Variants in ATP2C1 observed in about 807,000 individuals in gnomAD.
ATP2C1 encodes the protein ATPase secretory pathway Ca2+ transporting 1.
A neutral mutation model predicts 120.5 loss-of-function variants in ATP2C1; 31 were observed. That is an observed-to-expected ratio of 0.26 (90% confidence interval 0.19 to 0.35). The LOEUF (loss-of-function observed/expected upper bound fraction) is 0.35, where lower values mean the gene tolerates loss of function less well. ATP2C1 is among the 10% of genes least tolerant of loss of function. The pLI, the probability that ATP2C1 is intolerant of heterozygous loss-of-function variation, is 1.00. For missense variants in ATP2C1, 731 were observed against 1,107.5 expected (o/e 0.66, Z 4.83); for synonymous variants, 351 against 358.7 (o/e 0.98, Z 0.24).
At chr3:130,975,209 A>G (rs961379220) in intron 17 of ATP2C1, 123 bp from the exon 18 acceptor site, 1 of 970,572 alleles carries the variant, frequency 1.0e-6, no homozygotes. Flanking sequence ...GTGGCAGTCA[A>G]AACCTTAGGC....
chr3:130,943,844 C>T (rs2060025894), intron 8 of ATP2C1, among the ~76,000 whole-genome samples: 1 of 152,176 alleles, frequency 6.6e-6, no homozygotes, highest in South Asian at 2.1e-4. Context: ...TTTAAATGTA[C>T]TGACTTAGGA....
downstream of ATP2C1, among the ~76,000 whole-genome samples, chr3:131,004,874 G>A (rs2063043226): frequency 6.6e-6 from 1 of 152,198 alleles, no homozygotes; most frequent in African/African-American, 2.4e-5. Context: ...GAGATAGGCA[G>A]GAACCTAATG....
intron 1 of ATP2C1, among the ~76,000 whole-genome samples, chr3:130,869,608 G>A (rs573724828): frequency 2.6e-4 from 39 of 152,240 alleles, no homozygotes; most frequent in African/African-American, 9.1e-4. Flanking sequence ...CAAATGATAA[G>A]AAAGCTAAAC....
At chr3:130,895,874 C>G (rs529809299) in intron 2 of ATP2C1, among the ~76,000 whole-genome samples, 27 of 152,254 alleles carry the variant, frequency 1.8e-4, no homozygotes, top group Admixed American at 1.2e-3. Flanking sequence ...AAATTTTACT[C>G]TGGATGGATA....
chr3:130,942,145 A>C (rs569080434), intron 8 of ATP2C1, among the ~76,000 whole-genome samples: 1 of 152,346 alleles, frequency 6.6e-6, no homozygotes, highest in South Asian at 2.1e-4. Context: ...TGGCAGTGAT[A>C]ATTGAAGAGT....
chr3:130,880,937 G>A (rs1388387110), intron 1 of ATP2C1, among the ~76,000 whole-genome samples: 6 of 152,180 alleles, frequency 3.9e-5, no homozygotes, highest in Non-Finnish European at 8.8e-5. Flanking sequence ...GGGCCTGGAA[G>A]GACAGGGGAC....
chr3:130,940,695 T>A lies in ATP2C1; in HGVS notation c.422+4T>A, dbSNP rs374434188. ...TTGTGCCACCAGAATGCCATTGGTA[T>A]GATCCTTTTTTTGGTATGGATTTCT... On this transcript the variant is annotated splice_donor_region_variant and intron_variant, in intron 7 of 27. Coordinates refer to ENST00000510168, the MANE Select transcript of ATP2C1 (RefSeq NM_001378687.1). 6.2e-7 allele frequency: 1 copy of A among 1,608,834 alleles called. No homozygotes were observed. The highest frequency in any genetic ancestry group is 1.7e-5 in the Admixed American group (1 of 59,992).
At chr3:130,958,646 C>T (rs1399296316) in intron 11 of ATP2C1, among the ~76,000 whole-genome samples, 2 of 152,074 alleles carry the variant, frequency 1.3e-5, no homozygotes, top group African/African-American at 2.4e-5. Flanking sequence ...GCCCCTTTCC[C>T]CCTATTCTTT....
chr3:130,913,782 CCTGA>C (rs1428934639), intron 2 of ATP2C1, among the ~76,000 whole-genome samples: 6 of 152,068 alleles, frequency 3.9e-5, no homozygotes, highest in African/African-American at 1.4e-4. Context: ...TTTTGGATGA[CCTGA>C]CTAATTTAAA....
chr3:130,883,174 T>C (rs1028612012), intron 1 of ATP2C1, among the ~76,000 whole-genome samples: 15 of 152,216 alleles, frequency 9.9e-5, no homozygotes, highest in Non-Finnish European at 1.9e-4. Flanking sequence ...TGAATTTCTG[T>C]AGTATCAGTT....
intron 3 of ATP2C1, among the ~76,000 whole-genome samples, chr3:130,931,584 T>C (rs1255955014): frequency 6.6e-6 from 1 of 152,250 alleles, no homozygotes; most frequent in Non-Finnish European, 1.5e-5. Flanking sequence ...CTAATTAAAA[T>C]GTACTGTTAT....
chr3:130,886,079 T>C (rs1218573221), intron 1 of ATP2C1, among the ~76,000 whole-genome samples: 1 of 152,234 alleles, frequency 6.6e-6, no homozygotes, highest in Non-Finnish European at 1.5e-5. Flanking sequence ...TTGTTCTTCA[T>C]GCTTGAAGGA....
rs553205560 is a variant in ATP2C1 at position 130,935,622 on chromosome 3, T to C, written c.324+911T>C. On this transcript the variant is annotated intron_variant, in intron 5 of 27. Coordinates refer to ENST00000510168, the MANE Select transcript of ATP2C1 (RefSeq NM_001378687.1). ...TGTGAGGTCACAACCATTTTAATAA[T>C]ACTAAAACATTATTTGTCTTTCAAT... 7.2e-5 allele frequency among the ~76,000 whole-genome samples: 11 copies of C among 152,342 alleles called. No individual in the cohort carries two copies. The East Asian group carries it at 2.1e-3, about 29-fold the overall frequency.
upstream of ATP2C1, among the ~76,000 whole-genome samples, chr3:130,889,666 GA>G (rs1355722966): frequency 4.0e-5 from 3 of 74,732 alleles, no homozygotes; most frequent in African/African-American, 2.1e-4. Context: ...TTTTTTTTGA[GA>G]CAGTTTCTTG....
At chr3:130,955,215 A>G in intron 10 of ATP2C1, 135 bp downstream of exon 10, 1 of 703,348 alleles carries the variant, frequency 1.4e-6, no homozygotes, top group Admixed American at 2.3e-5. Flanking sequence ...GTCTCTGTTT[A>G]GAAACATAAT....
At chr3:130,900,141 A>G (rs1225679052) in intron 2 of ATP2C1, among the ~76,000 whole-genome samples, 2 of 151,946 alleles carry the variant, frequency 1.3e-5, no homozygotes, top group Non-Finnish European at 2.9e-5. Flanking sequence ...TAGCTCACCA[A>G]AGCCCCTAAC....
At chr3:130,855,613 G>T (rs1017373485) in intron 1 of ATP2C1, among the ~76,000 whole-genome samples, 3 of 152,128 alleles carry the variant, frequency 2.0e-5, no homozygotes, top group Non-Finnish European at 4.4e-5. Flanking sequence ...ATTAGAATTT[G>T]GTTCGCTTGA....
At chr3:130,996,934 T>G in intron 24 of ATP2C1, 138 bp downstream of exon 24, 1 of 722,068 alleles carries the variant, frequency 1.4e-6, no homozygotes, top group Non-Finnish European at 2.5e-6. Flanking sequence ...ATAAATTGTG[T>G]GATGTGTGTA....
intron 10 of ATP2C1, 158 bp from the exon 11 acceptor site, chr3:130,955,946 A>C (rs376929488): frequency 4.4e-5 from 27 of 609,786 alleles, no homozygotes; most frequent in Non-Finnish European, 7.8e-5. Flanking sequence ...GTAAAATCTA[A>C]GTCTCAGTTT....
Sources: allele counts gnomAD v4.1 joint callset (sites outside exome capture counted in the v4.1 genomes callset), GRCh38; gene constraint gnomAD v4.1.1; transcripts MANE v1.5; gene names NCBI Gene and HGNC (gene_info 2026-07-23, HGNC 2026-07-21).